The following HRH1 variants were observed in gnomAD, a reference collection of about 807,000 sequenced individuals.
HRH1 encodes histamine H1 receptor.
Under a neutral mutation model 10.3 loss-of-function variants are expected in HRH1, and 6 were observed. The ratio of observed to expected loss-of-function variants is 0.58; its 90% CI spans 0.32 to 1.15. The LOEUF (loss-of-function observed/expected upper bound fraction) is 1.15. Among genes scored for constraint, HRH1 ranks in the 50% most tolerant of loss-of-function variants. HRH1 has a pLI of 0.05. For missense variants in HRH1, 514 were observed against 615.3 expected (o/e 0.84, Z 1.74); for synonymous variants, 242 against 236.7 (o/e 1.02, Z -0.21).
intron 1 of HRH1, among the ~76,000 whole-genome samples, chr3:11,144,064 G>A (rs1244850503): frequency 6.6e-6 from 1 of 152,072 alleles, no homozygotes; most frequent in African/African-American, 2.4e-5. Context: ...ATGATGGTAG[G>A]GATGCAGAAA....
chr3:11,245,977 G>T (rs1425120159), intron 1 of HRH1, among the ~76,000 whole-genome samples: 2 of 148,862 alleles, frequency 1.3e-5, no homozygotes, highest in Non-Finnish European at 3.0e-5. Flanking sequence ...ACACACTCAT[G>T]TACTCAAAAA....
At chr3:11,159,439 G>C (rs894333517) in intron 1 of HRH1, among the ~76,000 whole-genome samples, 6 of 152,148 alleles carry the variant, frequency 3.9e-5, no homozygotes, top group African/African-American at 1.4e-4. Context: ...AATGGAAATA[G>C]AGTTTTAACA....
chr3:11,196,171 C>G (rs1003976464), intron 1 of HRH1, among the ~76,000 whole-genome samples: 1 of 152,188 alleles, frequency 6.6e-6, no homozygotes, highest in Non-Finnish European at 1.5e-5. Context: ...ACTCTCCACA[C>G]GATCTTGCAT....
intron 1 of HRH1, among the ~76,000 whole-genome samples, chr3:11,185,141 C>G (rs1289403465): frequency 6.6e-6 from 1 of 151,980 alleles, no homozygotes. Flanking sequence ...ATTTGAAGTG[C>G]CTGGGTCCTA....
At chr3:11,249,314 A>C (rs2152585094) in intron 1 of HRH1, among the ~76,000 whole-genome samples, 1 of 151,436 alleles carries the variant, frequency 6.6e-6, no homozygotes, top group South Asian at 2.1e-4. Flanking sequence ...GAAGCAGGAG[A>C]ATGGCGTGAA....
intron 1 of HRH1, among the ~76,000 whole-genome samples, chr3:11,203,526 T>G (rs1938008942): frequency 6.6e-6 from 1 of 152,216 alleles, no homozygotes. Flanking sequence ...TTGAGTTACT[T>G]TGTCTGAAGG....
Position 11,172,511 on chromosome 3 carries a change from C to T in HRH1, c.-36+17957C>T, listed in dbSNP as rs564634249. 3.9e-5 allele frequency among the ~76,000 whole-genome samples: 6 copies of T among 152,126 alleles called. No individual in the cohort carries two copies. The East Asian group carries it at 5.8e-4, about 15-fold the overall frequency. ...GAACCCTCTATGGGTCATATATGAC[C>T]GATGAAGTCATCTATTTAGATCTGA... is the stretch of plus-strand genomic sequence containing the variant. On this transcript the variant is annotated intron_variant, in intron 1 of 1. Transcript: ENST00000431010.
intron 1 of HRH1, among the ~76,000 whole-genome samples, chr3:11,204,911 C>T (rs1938061855): frequency 6.6e-6 from 1 of 152,132 alleles, no homozygotes; most frequent in Non-Finnish European, 1.5e-5. Context: ...GCGAGGTTTC[C>T]TGCAGGGAGA....
intron 1 of HRH1, among the ~76,000 whole-genome samples, chr3:11,235,274 C>T (rs1939150168): frequency 6.6e-6 from 1 of 151,686 alleles, no homozygotes; most frequent in African/African-American, 2.4e-5. Context: ...AAATGATTTT[C>T]AATTGAAATA....
At chr3:11,184,586 C>T (rs1226783066) in intron 1 of HRH1, among the ~76,000 whole-genome samples, 5 of 152,068 alleles carry the variant, frequency 3.3e-5, no homozygotes, top group African/African-American at 4.8e-5. Context: ...TTTCCTAACA[C>T]GCCGAGATAA....
At chr3:11,141,954 T>C (rs914705120) in intron 1 of HRH1, among the ~76,000 whole-genome samples, 16 of 152,210 alleles carry the variant, frequency 1.1e-4, no homozygotes, top group Non-Finnish European at 2.4e-4. Flanking sequence ...CTGCCCTGTG[T>C]TGGCACCCAC....
At chr3:11,140,868 G>A (rs966410556) in intron 1 of HRH1, among the ~76,000 whole-genome samples, 1 of 152,118 alleles carries the variant, frequency 6.6e-6, no homozygotes, top group Admixed American at 6.5e-5. Context: ...CTTAAGATGG[G>A]TTGTTGCTTT....
intron 1 of HRH1, among the ~76,000 whole-genome samples, chr3:11,257,571 A>T (rs1336215583): frequency 6.6e-6 from 1 of 152,106 alleles, no homozygotes; most frequent in Non-Finnish European, 1.5e-5. Flanking sequence ...AAAAAAAAAA[A>T]AAAATCTTAA....
chr3:11,236,996 G>A (rs1188669393), intron 1 of HRH1, among the ~76,000 whole-genome samples: 1 of 151,990 alleles, frequency 6.6e-6, no homozygotes, highest in Admixed American at 6.5e-5. Context: ...TTTTCCTCAA[G>A]AAGAGAACAG....
chr3:11,249,787 C>G (rs996521173), intron 1 of HRH1, among the ~76,000 whole-genome samples: 1 of 152,142 alleles, frequency 6.6e-6, no homozygotes, highest in African/African-American at 2.4e-5. Context: ...TTAACGGAAT[C>G]TCCGTTAAAA....
At chr3:11,181,209 C>G (rs2343862) in intron 1 of HRH1, among the ~76,000 whole-genome samples, 2 of 152,034 alleles carry the variant, frequency 1.3e-5, no homozygotes, top group African/African-American at 4.8e-5. Context: ...CTCCTGATCC[C>G]GGGAGGTTGA....
chr3:11,250,224 T>TG (rs900022346), intron 1 of HRH1, among the ~76,000 whole-genome samples: 2 of 146,664 alleles, frequency 1.4e-5, no homozygotes, highest in African/African-American at 5.0e-5. Context: ...TTTTTTTTTT[T>TG]TTTTTTTTGT....
chr3:11,182,662 A>AG (rs1313962650), intron 1 of HRH1, among the ~76,000 whole-genome samples: 1 of 152,028 alleles, frequency 6.6e-6, no homozygotes, highest in Non-Finnish European at 1.5e-5. Flanking sequence ...AATGGAGGGG[A>AG]GGGAGGGTGC....
chr3:11,188,473 T>G (rs927986521), intron 1 of HRH1, among the ~76,000 whole-genome samples: 3 of 152,134 alleles, frequency 2.0e-5, no homozygotes, highest in Non-Finnish European at 2.9e-5. Flanking sequence ...GAGAATTACT[T>G]GAACCCAGGA....
Sources: allele counts gnomAD v4.1 joint callset (sites outside exome capture counted in the v4.1 genomes callset), GRCh38; gene constraint gnomAD v4.1.1; transcripts MANE v1.5; gene names NCBI Gene and HGNC (gene_info 2026-07-23, HGNC 2026-07-21).